The following HS6ST3 variants were observed in gnomAD, a reference collection of about 807,000 sequenced individuals.
The protein encoded by HS6ST3 is heparan sulfate 6-O-sulfotransferase 3.
HS6ST3 carries 12 observed loss-of-function variants against 36.7 expected under a neutral mutation model. The observed-to-expected ratio is 0.33, with a 90% CI of 0.21 to 0.53. The LOEUF is 0.53. HS6ST3 is among the 20% of genes least tolerant of loss of function. The pLI is 0.95. For missense variants in HS6ST3, 584 were observed against 640.9 expected, an observed-to-expected ratio of 0.91 and a Z score of 0.96; for synonymous variants, 240 against 257.5, an observed-to-expected ratio of 0.93 and a Z score of 0.65.
intron 1 of HS6ST3, among the ~76,000 whole-genome samples, chr13:96,831,454 A>C (rs1422402993): frequency 1.3e-5 from 2 of 152,334 alleles, no homozygotes; most frequent in East Asian, 3.9e-4. Flanking sequence ...CACTTTTCTG[A>C]ACCTCTGTGG....
intron 1 of HS6ST3, among the ~76,000 whole-genome samples, chr13:96,509,790 T>G (rs1267250228): frequency 6.6e-6 from 1 of 152,214 alleles, no homozygotes; most frequent in African/African-American, 2.4e-5. Flanking sequence ...TGCTTCCAGA[T>G]TTGTTCCTTT....
intron 1 of HS6ST3, among the ~76,000 whole-genome samples, chr13:96,374,428 A>G (rs1291560971): frequency 1.3e-5 from 2 of 152,106 alleles, no homozygotes; most frequent in African/African-American, 4.8e-5. Flanking sequence ...GGGATTTCCC[A>G]TTCTCTGTGA....
intron 1 of HS6ST3, among the ~76,000 whole-genome samples, chr13:96,114,568 G>A (rs1046870208): frequency 6.6e-6 from 1 of 152,086 alleles, no homozygotes; most frequent in Non-Finnish European, 1.5e-5. Context: ...ACCATTTTTT[G>A]TGCCTCTGTT....
At position 96,230,166 on chromosome 13, in the gene HS6ST3, C is replaced by A. The variant is rs116968591; in HGVS notation, c.707+138597C>A. Among the ~76,000 whole-genome samples the A allele has an allele frequency of 1.8e-3, 277 of 152,034 alleles. 3 individuals carry two copies. In the East Asian group the frequency reaches 0.026, roughly 14 times the overall value. On this transcript the variant is annotated intron_variant, in intron 1 of 1. Coordinates refer to ENST00000376705, the MANE Select transcript of HS6ST3 (RefSeq NM_153456.4). Reference sequence around the variant, plus strand: ...TGGGTAATGGTGAGTTGTTGAAGGACCCTGAGAAGAGTAGTGATATACTCA... The same window carrying A: ...TGGGTAATGGTGAGTTGTTGAAGGAACCTGAGAAGAGTAGTGATATACTCA...
chr13:96,514,247 C>T lies in HS6ST3; in HGVS notation c.708-318243C>T, dbSNP rs539431066. ...GTGCAGTAGGTTGATGGAAGTAGAGCGAATGAGAATTTCCTGGATTTGGGC... is the reference window on the plus strand; with the variant it reads ...GTGCAGTAGGTTGATGGAAGTAGAGTGAATGAGAATTTCCTGGATTTGGGC... On this transcript the variant is annotated intron_variant, in intron 1 of 1. Transcript: ENST00000376705. Among the ~76,000 whole-genome samples, 5 of 152,180 alleles carry T rather than the reference C, an allele frequency of 3.3e-5. No individual in the cohort carries two copies. In the South Asian group the frequency reaches 8.3e-4, roughly 25 times the overall value.
chr13:96,832,847 G>C lies in HS6ST3; in HGVS notation c.1065G>C (p.Glu355Asp). Residue 355 changes from glutamate to aspartate, a missense_variant, in exon 2 of 2, where the codon GAG becomes GAC. This residue lies in a region of HS6ST3 where 360 missense variants were observed against 411.3 expected (regional missense o/e 0.88). Coordinates refer to ENST00000376705, the MANE Select transcript of HS6ST3 (RefSeq NM_153456.4). ...LKNMAFFGLT[E>D]FQRKTQFLFE... ...ACATGGCCTTCTTTGGGCTCACTGA[G>C]TTCCAGAGGAAGACACAGTTTCTCT... is the stretch of plus-strand genomic sequence containing the variant. The C allele has an allele frequency of 1.2e-6, 2 of 1,614,150 alleles. No homozygotes were observed. Among genetic ancestry groups the C allele is most frequent in the Non-Finnish European group, 1.7e-6 (2 of 1,180,018 alleles).
intron 1 of HS6ST3, among the ~76,000 whole-genome samples, chr13:96,370,176 G>A (rs7987331): frequency 0.011 from 1,672 of 152,220 alleles, 27 homozygotes; most frequent in African/African-American, 0.039. Context: ...GTCTCAGGTG[G>A]GGTCTAGGCA....
chr13:96,455,989 T>A (rs533344932), intron 1 of HS6ST3, among the ~76,000 whole-genome samples: 2 of 152,350 alleles, frequency 1.3e-5, no homozygotes, highest in South Asian at 2.1e-4. Flanking sequence ...TCTTAAGTTG[T>A]TCCTGGTACA....
chr13:96,404,796 T>G (rs1193316885), intron 1 of HS6ST3, among the ~76,000 whole-genome samples: 1 of 152,168 alleles, frequency 6.6e-6, no homozygotes, highest in East Asian at 1.9e-4. Context: ...CAAGGGCAGG[T>G]GATATGGTTT....
intron 1 of HS6ST3, among the ~76,000 whole-genome samples, chr13:96,184,072 A>G (rs1166760336): frequency 6.6e-6 from 1 of 151,698 alleles, no homozygotes; most frequent in Non-Finnish European, 1.5e-5. Flanking sequence ...GTGGTGGTGC[A>G]TGCCTGTAGT....
chr13:96,164,441 T>C (rs948851152), intron 1 of HS6ST3, among the ~76,000 whole-genome samples: 2 of 151,764 alleles, frequency 1.3e-5, no homozygotes, highest in Non-Finnish European at 2.9e-5. Flanking sequence ...CCTGTAGGCC[T>C]AGCTACTCGG....
At chr13:96,433,633 G>A (rs2055627067) in intron 1 of HS6ST3, among the ~76,000 whole-genome samples, 1 of 152,204 alleles carries the variant, frequency 6.6e-6, no homozygotes, top group Admixed American at 6.5e-5. Flanking sequence ...GGAACTGTGA[G>A]TCTATTAAAC....
At chr13:96,391,182 G>A (rs2055393586) in intron 1 of HS6ST3, among the ~76,000 whole-genome samples, 1 of 152,108 alleles carries the variant, frequency 6.6e-6, no homozygotes, top group African/African-American at 2.4e-5. Context: ...TCGCTTGATA[G>A]CATTGCATTC....
intron 1 of HS6ST3, among the ~76,000 whole-genome samples, chr13:96,734,895 G>A (rs989904602): frequency 1.2e-4 from 18 of 151,344 alleles, no homozygotes; most frequent in African/African-American, 4.1e-4. Context: ...TTTTTTTTCA[G>A]TTGAGGAGTC....
rs1428456541 is a variant in HS6ST3 at position 96,544,447 on chromosome 13, A to G, written c.708-288043A>G. ...GGTAGAAACCATGTTGTACAAGACAATTGATGGCAGATGGATAGGAATTTC... is the reference window on the plus strand; with the variant it reads ...GGTAGAAACCATGTTGTACAAGACAGTTGATGGCAGATGGATAGGAATTTC... On this transcript the variant is annotated intron_variant, in intron 1 of 1. Coordinates refer to ENST00000376705, the MANE Select transcript of HS6ST3 (RefSeq NM_153456.4). 2.0e-5 allele frequency among the ~76,000 whole-genome samples: 3 copies of G among 152,326 alleles called. No individual in the cohort carries two copies. In the East Asian group the frequency reaches 5.8e-4, roughly 29 times the overall value.
At chr13:96,428,524 C>T (rs1019752138) in intron 1 of HS6ST3, among the ~76,000 whole-genome samples, 4 of 152,106 alleles carry the variant, frequency 2.6e-5, no homozygotes, top group African/African-American at 7.2e-5. Flanking sequence ...TATAGTCTTA[C>T]CTTCTGTGTG....
At chr13:96,717,576 A>G (rs1875732475) in intron 1 of HS6ST3, among the ~76,000 whole-genome samples, 1 of 152,262 alleles carries the variant, frequency 6.6e-6, no homozygotes, top group Non-Finnish European at 1.5e-5. Flanking sequence ...AGAAATAAGT[A>G]AATGAAAATA....
At position 96,592,930 on chromosome 13, in the gene HS6ST3, C is replaced by A. The variant is rs551792567; in HGVS notation, c.708-239560C>A. ...TAAGGTAGTCTTCTTTGGGTTAAAT[C>A]TTCCTGGTGTTCTATAATCTTCTTG... On this transcript the variant is annotated intron_variant, in intron 1 of 1. Transcript: ENST00000376705. 2.6e-5 allele frequency among the ~76,000 whole-genome samples: 4 copies of A among 152,016 alleles called. No individual in the cohort carries two copies. The South Asian group carries it at 6.2e-4, about 24-fold the overall frequency.
At chr13:96,823,051 T>G (rs1213694405) in intron 1 of HS6ST3, among the ~76,000 whole-genome samples, 3 of 152,234 alleles carry the variant, frequency 2.0e-5, no homozygotes, top group Non-Finnish European at 2.9e-5. Flanking sequence ...AGCACCTTCC[T>G]CTTCCAGCCA....
Sources: gnomAD v4.1 joint callset for allele counts (sites outside exome capture counted in the v4.1 genomes callset) on GRCh38, gnomAD v4.1.1 for gene constraint, gnomAD v4.1.1 regional missense constraint, MANE v1.5 for transcripts, NCBI Gene and HGNC (gene_info 2026-07-23, HGNC 2026-07-21) for gene names.